The following ZNF385D variants were observed in gnomAD, a reference collection of about 807,000 sequenced individuals.
ZNF385D encodes the protein zinc finger protein 385D.
ZNF385D carries 15 observed loss-of-function variants against 35.8 expected under a neutral mutation model. The ratio of observed to expected loss-of-function variants is 0.42; its 90% CI spans 0.28 to 0.64. The LOEUF (loss-of-function observed/expected upper bound fraction) is 0.64, where lower values mean the gene tolerates loss of function less well. Ranked by LOEUF, ZNF385D falls within the 30% of genes least tolerant of loss-of-function variation. The pLI is 0.23. For missense variants in ZNF385D, 474 were observed against 494.6 expected, an observed-to-expected ratio of 0.96 and a Z score of 0.39; for synonymous variants, 212 against 186.8, an observed-to-expected ratio of 1.13 and a Z score of -1.10.
intron 2 of ZNF385D, among the ~76,000 whole-genome samples, chr3:22,231,235 A>C (rs978651928): frequency 2.6e-5 from 4 of 152,178 alleles, no homozygotes; most frequent in Admixed American, 2.6e-4. Flanking sequence ...AAAGTGTTGC[A>C]AGATCAGTGT....
In ZNF385D at chr3:21,420,958, T is replaced by C. The variant is rs1186286572; in HGVS notation, c.*256A>G. ...AGGCTTCAGAAGGTCTAGATACCAC[T>C]ACAAATCAATGCTGGAGATCACTTC... On this transcript the variant is annotated 3_prime_UTR_variant, in exon 8 of 8. Coordinates refer to ENST00000281523, the MANE Select transcript of ZNF385D (RefSeq NM_024697.3). 2.2e-6 allele frequency: 1 copy of C among 463,410 alleles called. No individual in the cohort carries two copies. Among genetic ancestry groups the C allele is most frequent in the Non-Finnish European group, 3.9e-6 (1 of 255,634 alleles). 28.7% of individuals were successfully genotyped at this position (463,410 alleles called of 1,614,324 possible).
intron 3 of ZNF385D, among the ~76,000 whole-genome samples, chr3:21,815,753 A>G (rs975561612): frequency 1.3e-5 from 2 of 152,216 alleles, no homozygotes; most frequent in African/African-American, 4.8e-5. Context: ...CCAGAGGTAC[A>G]AAGCGGAGCT....
At chr3:22,126,423 T>G (rs1198583258) in intron 3 of ZNF385D, among the ~76,000 whole-genome samples, 1 of 151,888 alleles carries the variant, frequency 6.6e-6, no homozygotes, top group East Asian at 1.9e-4. Context: ...CTCAAGGAAT[T>G]TTAAAATTTC....
chr3:21,840,444 C>A (rs1052118229), intron 3 of ZNF385D, among the ~76,000 whole-genome samples: 14 of 152,038 alleles, frequency 9.2e-5, no homozygotes, highest in African/African-American at 3.4e-4. Context: ...ATCTTCATAT[C>A]GACATTGCAC....
At position 21,455,690 on chromosome 3, in the gene ZNF385D, C is replaced by A. The variant is rs1433991256; in HGVS notation, c.440-18487G>T. Reference sequence around the variant, plus strand: ...CATAGGCATGGGGGGCAAGGACTTCCTGTCTAAAACACCAAAAGCAATGGC... The same window carrying A: ...CATAGGCATGGGGGGCAAGGACTTCATGTCTAAAACACCAAAAGCAATGGC... On this transcript the variant is annotated intron_variant, in intron 4 of 7. Transcript: ENST00000281523. Among the ~76,000 whole-genome samples the A allele has an allele frequency of 7.9e-5, 12 of 151,972 alleles. No individual in the cohort carries two copies. In the South Asian group the frequency reaches 2.3e-3, roughly 29 times the overall value.
chr3:21,975,843 C>A (rs1285347643), intron 3 of ZNF385D, among the ~76,000 whole-genome samples: 1 of 150,932 alleles, frequency 6.6e-6, no homozygotes, highest in Non-Finnish European at 1.5e-5. Context: ...GTGAGATTGG[C>A]AATCAATACC....
At chr3:21,911,939 ATAAGCT>A (rs1218839646) in intron 3 of ZNF385D, among the ~76,000 whole-genome samples, 1 of 151,972 alleles carries the variant, frequency 6.6e-6, no homozygotes, top group Non-Finnish European at 1.5e-5. Context: ...CAAACTAAAA[ATAAGCT>A]TAAGAGTGAT....
chr3:22,229,743 AT>A (rs1038455641), intron 2 of ZNF385D, among the ~76,000 whole-genome samples: 2 of 151,850 alleles, frequency 1.3e-5, no homozygotes, highest in Admixed American at 6.6e-5. Context: ...TCACTCAAAC[AT>A]TTTTTTTAGA....
intron 2 of ZNF385D, among the ~76,000 whole-genome samples, chr3:21,651,123 C>A (rs1203611682): frequency 2.1e-5 from 3 of 140,606 alleles, no homozygotes; most frequent in African/African-American, 2.6e-5. Flanking sequence ...ACTAAAAATA[C>A]AAAAAAAAAA....
intron 2 of ZNF385D, among the ~76,000 whole-genome samples, chr3:22,301,615 C>T (rs1702906270): frequency 2.0e-5 from 3 of 151,846 alleles, no homozygotes; most frequent in Non-Finnish European, 2.9e-5. Flanking sequence ...TTCAGACATA[C>T]AAAAACGGTA....
intron 3 of ZNF385D, among the ~76,000 whole-genome samples, chr3:22,144,162 T>A (rs558987913): frequency 5.8e-4 from 89 of 152,316 alleles, no homozygotes; most frequent in Non-Finnish European, 9.0e-4. Context: ...TTTAGCTAAA[T>A]TTAAGTAGTT....
In ZNF385D at chr3:21,853,900, A is replaced by G. The variant is rs180825429; in HGVS notation, c.326-188872T>C. Among the ~76,000 whole-genome samples the G allele has an allele frequency of 4.8e-3, 736 of 151,980 alleles. 5 individuals are homozygous for G. The highest frequency in any genetic ancestry group is 0.017 in the African/African-American group (716 of 41,502). On this transcript the variant is annotated intron_variant, in intron 3 of 5. Transcript: ENST00000494108. ...GAAGTTCAAGAAAGGCAATATAAAT[A>G]TATAATAATAGAAATGAGAAGAGTG...
intron 3 of ZNF385D, among the ~76,000 whole-genome samples, chr3:21,973,677 C>T (rs1464768287): frequency 6.6e-6 from 1 of 151,890 alleles, no homozygotes; most frequent in Admixed American, 6.6e-5. Context: ...TTGGAAAAAC[C>T]TAAAGACTCT....
chr3:21,492,328 T>A (rs888048373), intron 4 of ZNF385D, among the ~76,000 whole-genome samples: 2 of 151,546 alleles, frequency 1.3e-5, no homozygotes, highest in African/African-American at 4.9e-5. Context: ...ATCAACTTGA[T>A]GACAAAGTGC....
intron 2 of ZNF385D, among the ~76,000 whole-genome samples, chr3:21,614,585 GA>G (rs1403631439): frequency 6.6e-6 from 1 of 152,030 alleles, no homozygotes; most frequent in East Asian, 1.9e-4. Flanking sequence ...CTGAAGTACA[GA>G]TTTTTTGTTT....
chr3:22,270,968 C>T (rs1221874029), intron 2 of ZNF385D, among the ~76,000 whole-genome samples: 1 of 151,900 alleles, frequency 6.6e-6, no homozygotes, highest in Non-Finnish European at 1.5e-5. Context: ...GCTGCTTCTG[C>T]CTCTTGAGAG....
intron 3 of ZNF385D, among the ~76,000 whole-genome samples, chr3:22,036,565 T>C (rs373996589): frequency 3.3e-5 from 5 of 152,054 alleles, no homozygotes; most frequent in Non-Finnish European, 7.4e-5. Context: ...TGAATTTTTT[T>C]TTAGGAAAAA....
chr3:21,567,805 T>C (rs992344624), intron 2 of ZNF385D, among the ~76,000 whole-genome samples: 6 of 152,352 alleles, frequency 3.9e-5, no homozygotes, highest in Non-Finnish European at 8.8e-5. Flanking sequence ...GCTGAGTTTT[T>C]ATCATATTTT....
At chr3:22,081,729 G>A (rs1700759069) in intron 3 of ZNF385D, among the ~76,000 whole-genome samples, 1 of 152,120 alleles carries the variant, frequency 6.6e-6, no homozygotes, top group Non-Finnish European at 1.5e-5. Flanking sequence ...AAATGGCAGA[G>A]TAGTTATGAC....
Sources: allele counts gnomAD v4.1 joint callset (sites outside exome capture counted in the v4.1 genomes callset), GRCh38; gene constraint gnomAD v4.1.1; transcripts MANE v1.5; gene names NCBI Gene and HGNC (gene_info 2026-07-23, HGNC 2026-07-21).